P2RX2: variants seen among roughly 807,000 people sequenced by gnomAD.
P2RX2 encodes P2X purinoceptor 2.
In P2RX2, 50 loss-of-function variants were observed where a neutral mutation model predicts 54.8. The observed-to-expected ratio is 0.91, with a 90% CI of 0.73 to 1.15. The LOEUF (loss-of-function observed/expected upper bound fraction) is 1.15. Ranked by LOEUF, P2RX2 falls within the 50% of genes most tolerant of loss-of-function variation. P2RX2 has a pLI of 0.00. For synonymous variants in P2RX2, 289 were observed against 259.4 expected (o/e 1.11, Z -1.09); for missense variants, 658 against 633.2 (o/e 1.04, Z -0.42).
In P2RX2 at chr12:132,618,801, G is replaced by A. The variant is rs776489744; in HGVS notation, c.-16G>A. The stretch of plus-strand genomic sequence containing the variant: ...AGCCCTGCAGCGCCTTCCTGGAGGT[G>A]GGGGCCGCCCGCGCCATGGCCGCCG... On this transcript the variant is annotated 5_prime_UTR_variant, in exon 1 of 11. Coordinates refer to ENST00000643471, the MANE Select transcript of P2RX2 (RefSeq NM_170682.4). The A allele has an allele frequency of 8.1e-7, 1 of 1,229,920 alleles. No homozygotes were observed. The highest frequency in any genetic ancestry group is 3.5e-5 in the South Asian group (1 of 28,234). The allele number at this position is 1,229,920 out of a possible 1,614,324, so 76.2% of individuals were successfully genotyped here.
chr12:132,620,960 G>A (rs575789661), intron 7 of P2RX2, 41 bp from the exon 8 acceptor site: 7 of 1,569,766 alleles, frequency 4.5e-6, no homozygotes, highest in East Asian at 2.3e-5. Context: ...GGGGCCTCTC[G>A]TGTGCCCTCC....
At position 132,618,925 on chromosome 12, in the gene P2RX2, AG is replaced by A; in HGVS notation, c.111del (p.Asn38ThrfsTer62). 7.5e-7 allele frequency: 1 copy of A among 1,327,328 alleles called. No individual in the cohort carries two copies. The highest frequency in any genetic ancestry group is 2.9e-5 in the East Asian group (1 of 34,844). The allele number at this position is 1,327,328 out of a possible 1,614,324, so 82.2% of individuals were successfully genotyped here. A position where few individuals can be genotyped will look rare whatever the true frequency, so the allele number is the denominator to read the frequency against. On this transcript the variant is annotated frameshift_variant, in exon 1 of 11. Coordinates refer to ENST00000643471, the MANE Select transcript of P2RX2 (RefSeq NM_170682.4). LOFTEE classifies it high-confidence loss of function. ...DYETPKVIVV[R>X]NRRLGVLYRA... ...CGAGACGCCCAAGGTGATCGTGGTG[AG>A]GAACCGGCGCCTGGGGGTCCTGTAC...
In P2RX2 at chr12:132,621,905, A is replaced by G; in HGVS notation, c.1349A>G (p.Asp450Gly). Residue 450 changes from aspartate to glycine, a missense_variant, in exon 11 of 11, where the codon GAC becomes GGC. Transcript: ENST00000643471. ...TCTGCCCCTTCTGAGCAGATGGTGG[A>G]CACTCCTGCCTCCGAGCCTGCCCAA... is the stretch of plus-strand genomic sequence containing the variant. Reference protein sequence around the residue: ...PISAPSEQMVDTPASEPAQAS... With the variant: ...PISAPSEQMVGTPASEPAQAS... The G allele has an allele frequency of 1.2e-6, 2 of 1,613,610 alleles. No homozygotes were observed. The highest frequency in any genetic ancestry group is 1.7e-6 in the Non-Finnish European group (2 of 1,179,986).
rs749401595 is a variant in P2RX2, at chr12:132,621,660, C to CA, written c.1109dup (p.Asn370LysfsTer7). On this transcript the variant is annotated frameshift_variant, in exon 11 of 11. Coordinates refer to ENST00000643471, the MANE Select transcript of P2RX2 (RefSeq NM_170682.4). LOFTEE classifies it high-confidence loss of function. ...ACTGGATCTTGCTAACATTCATGAA[C>CA]AAAAACAAGGTCTACAGCCATAAGA... 31 of 1,613,748 alleles carry CA rather than the reference C, an allele frequency of 1.9e-5. No individual in the cohort carries two copies. The highest frequency in any genetic ancestry group is 2.5e-5 in the Non-Finnish European group (30 of 1,179,864).
Position 132,622,053 on chromosome 12 carries a change from G to T in P2RX2, c.*81G>T. Reference sequence around the variant, plus strand: ...CAGCTAGGGACCTGCACGTGGACGTGGGCACCTCAGTAGCGGAGCATCTCC... The same window carrying T: ...CAGCTAGGGACCTGCACGTGGACGTTGGCACCTCAGTAGCGGAGCATCTCC... On this transcript the variant is annotated 3_prime_UTR_variant, in exon 11 of 11. Transcript: ENST00000643471. 6.3e-7 allele frequency: 1 copy of T among 1,593,546 alleles called. No individual in the cohort carries two copies. Among genetic ancestry groups the T allele is most frequent in the Non-Finnish European group, 8.5e-7 (1 of 1,171,650 alleles).
rs2041665212 is a variant in P2RX2, at chr12:132,621,255, G to T, written c.906G>T (p.Arg302Ser). The change falls in exon 9 of 11, where the codon AGG (arginine) becomes AGT (serine). Residue 302 changes from arginine (R) to serine (S), a missense_variant and splice_region_variant. Physicochemically the swap from Arg to Ser is moderately radical, Grantham distance 110. Coordinates refer to ENST00000643471, the MANE Select transcript of P2RX2 (RefSeq NM_170682.4). Reference sequence around the variant, plus strand: ...GTGGGCACTGGCGTTCCCATTGCAGGTTTGCCAAATACTACAAGATCAATG... The same window carrying T: ...GTGGGCACTGGCGTTCCCATTGCAGTTTTGCCAAATACTACAAGATCAATG... The part of the protein sequence containing the change: ...HVPASSGYNF[R>S]FAKYYKINGT... The T allele has an allele frequency of 6.2e-7, 1 of 1,614,030 alleles. No homozygotes were observed. Among genetic ancestry groups the T allele is most frequent in the Non-Finnish European group, 8.5e-7 (1 of 1,179,962 alleles).
In P2RX2 at chr12:132,621,321, C is replaced by T. The variant is rs1188567735; in HGVS notation, c.972C>T (p.Arg324=). 58 of 1,613,956 alleles carry T rather than the reference C, an allele frequency of 3.6e-5. No homozygotes were observed. The East Asian group carries it at 1.3e-3, about 35-fold the overall frequency. The change falls in exon 9 of 11, where the codon CGC becomes CGT. Residue 324 remains arginine, a synonymous_variant. Transcript: ENST00000643471. Reference sequence around the variant, plus strand: ...CGCTCATCAAGGCCTACGGGATCCGCATTGACGTCATTGTGCATGGACAGG... The same window carrying T: ...CGCTCATCAAGGCCTACGGGATCCGTATTGACGTCATTGTGCATGGACAGG... ...TRTLIKAYGI[R]IDVIVHGQAG... is the part of the protein sequence containing the mutation.
intron 6 of P2RX2, 40 bp from the exon 7 acceptor site, chr12:132,620,405 G>A: frequency 6.2e-7 from 1 of 1,614,104 alleles, no homozygotes; most frequent in South Asian, 1.1e-5. Flanking sequence ...TGGGAATGGG[G>A]TATTTGGGGT....
chr12:132,619,815 G>C (rs1021178715), intron 3 of P2RX2, 29 bp from the exon 4 acceptor site: 2 of 1,610,452 alleles, frequency 1.2e-6, no homozygotes, highest in African/African-American at 1.3e-5. Context: ...TCCCTTGCGG[G>C]GTCCCTGACT....
In P2RX2 at chr12:132,620,061, C is replaced by T. The variant is rs779157352; in HGVS notation, c.519C>T (p.Phe173=). ...GGCCCTCCAAGACCTGCGAGGTGTT[C>T]GGCTGGTGCCCGGTGGAAGATGGGG... ...YQGPSKTCEV[F]GWCPVEDGAS... Residue 173 remains phenylalanine (F), a synonymous_variant, in exon 5 of 11, where the codon TTC becomes TTT. Transcript: ENST00000643471. The T allele has an allele frequency of 3.8e-6, 6 of 1,587,972 alleles. No homozygotes were observed. In the East Asian group the frequency reaches 1.1e-4, roughly 30 times the overall value.
In P2RX2 at chr12:132,620,588, G is replaced by C; in HGVS notation, c.774+5G>C. On this transcript the variant is annotated splice_donor_5th_base_variant and intron_variant, in intron 7 of 10. Transcript: ENST00000643471. Reference sequence around the variant, plus strand: ...TTCACAGAGCTCGCACACAAGGCAGGGCAAGCGCAGGCAGGGTGGGGCCAG... The same window carrying C: ...TTCACAGAGCTCGCACACAAGGCAGCGCAAGCGCAGGCAGGGTGGGGCCAG... 1 of 1,611,674 alleles carries C rather than the reference G, an allele frequency of 6.2e-7. No homozygotes were observed. The highest frequency in any genetic ancestry group is 8.5e-7 in the Non-Finnish European group (1 of 1,179,938).
intron 9 of P2RX2, 47 bp downstream of exon 9, chr12:132,621,392 T>C (rs989975869): frequency 5.0e-6 from 8 of 1,611,372 alleles, no homozygotes; most frequent in Non-Finnish European, 6.8e-6. Flanking sequence ...CTAGCCTGGG[T>C]CTGAGCTCCT....
chr12:132,618,921 G>T lies in P2RX2; in HGVS notation c.105G>T (p.Val35=). ...ACTACGAGACGCCCAAGGTGATCGT[G>T]GTGAGGAACCGGCGCCTGGGGGTCC... ...LWDYETPKVI[V]VRNRRLGVLY... is the part of the protein sequence containing the mutation. The change falls in exon 1 of 11, where the codon GTG becomes GTT. Residue 35 remains valine, a synonymous_variant. Transcript: ENST00000643471. 2 of 1,335,952 alleles carry T rather than the reference G, an allele frequency of 1.5e-6. No homozygotes were observed. Among genetic ancestry groups the T allele is most frequent in the Non-Finnish European group, 1.9e-6 (2 of 1,035,948 alleles). 82.8% of individuals were successfully genotyped at this position (1,335,952 alleles called of 1,614,324 possible).
rs1165633659 is a variant in P2RX2, at chr12:132,621,256, T to C, written c.907T>C (p.Phe303Leu). ...TGGGCACTGGCGTTCCCATTGCAGGTTTGCCAAATACTACAAGATCAATGG... is the reference window on the plus strand; with the variant it reads ...TGGGCACTGGCGTTCCCATTGCAGGCTTGCCAAATACTACAAGATCAATGG... The part of the protein sequence containing the change: ...VPASSGYNFR[F>L]AKYYKINGTT... The change falls in exon 9 of 11, where the codon TTT becomes CTT. Residue 303 changes from phenylalanine (F) to leucine (L), a missense_variant and splice_region_variant. Coordinates refer to ENST00000643471, the MANE Select transcript of P2RX2 (RefSeq NM_170682.4). 5 of 1,613,738 alleles carry C rather than the reference T, an allele frequency of 3.1e-6. No individual in the cohort carries two copies. In the East Asian group the frequency reaches 1.1e-4, roughly 36 times the overall value.
intron 1 of P2RX2, 66 bp from the exon 2 acceptor site, chr12:132,619,373 G>A (rs897632798): frequency 5.0e-6 from 8 of 1,589,188 alleles, no homozygotes; most frequent in Non-Finnish European, 6.0e-6. Context: ...GGCCCCTGCC[G>A]TGCCTGCGGG....
At chr12:132,621,400 CCT>C in intron 9 of P2RX2, 55 bp downstream of exon 9, 1 of 1,608,268 alleles carries the variant, frequency 6.2e-7, no homozygotes, top group Non-Finnish European at 8.5e-7. Context: ...GGTCTGAGCT[CCT>C]CACGCCCCAC....
intron 7 of P2RX2, 130 bp from the exon 8 acceptor site, chr12:132,620,870 GA>G (rs2138380888): frequency 7.8e-5 from 77 of 986,956 alleles, no homozygotes; most frequent in South Asian, 4.7e-4. Context: ...TGCAGCCTGG[GA>G]CTGACCCGGG....
chr12:132,619,017 GGGGTGCGGGGCGCA>G (rs1566289335), intron 1 of P2RX2, 28 bp downstream of exon 1: 3 of 1,076,504 alleles, frequency 2.8e-6, no homozygotes, highest in South Asian at 4.1e-5. Flanking sequence ...TGCGGGGCGC[GGGGTGCGGGGCGCA>G]GGGGAGGGGC....
chr12:132,621,487 A>G lies in P2RX2; in HGVS notation c.1009A>G (p.Ser337Gly), dbSNP rs561894191. 1 of 1,562,158 alleles carries G rather than the reference A, an allele frequency of 6.4e-7. No individual in the cohort carries two copies. The highest frequency in any genetic ancestry group is 1.2e-5 in the South Asian group (1 of 82,382). ...CCATTCTCCCCAGGCCGGGAAGTTCAGCCTGATTCCCACCATTATTAATCT... is the reference window on the plus strand; with the variant it reads ...CCATTCTCCCCAGGCCGGGAAGTTCGGCCTGATTCCCACCATTATTAATCT... ...VIVHGQAGKF[S>G]LIPTIINLAT... Residue 337 changes from serine to glycine, a missense_variant, in exon 10 of 11, where the codon AGC becomes GGC. By Grantham distance (56) the Ser-to-Gly change is moderately conservative (BLOSUM62 0). Coordinates refer to ENST00000643471, the MANE Select transcript of P2RX2 (RefSeq NM_170682.4).
Sources: gnomAD v4.1 joint callset for allele counts on GRCh38, gnomAD v4.1.1 for gene constraint, MANE v1.5 for transcripts, NCBI Gene and HGNC (gene_info 2026-07-23, HGNC 2026-07-21) for gene names.